The following CLYBL variants were observed in gnomAD, a reference collection of about 807,000 sequenced individuals.
CLYBL encodes citramalyl-CoA lyase, mitochondrial.
A neutral mutation model predicts 38.9 loss-of-function variants in CLYBL; 31 were observed. The ratio of observed to expected loss-of-function variants is 0.80; its 90% confidence interval spans 0.60 to 1.08. The LOEUF (loss-of-function observed/expected upper bound fraction) is 1.08. Among genes scored for constraint, CLYBL ranks in the 50% least tolerant of loss-of-function variants. The pLI is 0.00. For missense variants in CLYBL, 434 were observed against 411.6 expected (o/e 1.05, Z -0.47); for synonymous variants, 171 against 158.6 (o/e 1.08, Z -0.59).
intron 1 of CLYBL, among the ~76,000 whole-genome samples, chr13:99,730,280 T>C (rs968414676): frequency 3.9e-5 from 6 of 152,178 alleles, no homozygotes; most frequent in Non-Finnish European, 2.9e-5. Flanking sequence ...CTTTTAAACT[T>C]TGACTAACAC....
At chr13:99,635,518 G>T (rs567845363) in intron 1 of CLYBL, among the ~76,000 whole-genome samples, 4 of 152,110 alleles carry the variant, frequency 2.6e-5, no homozygotes, top group Non-Finnish European at 4.4e-5. Flanking sequence ...CTGGCTTTGC[G>T]CAGCTTATTG....
chr13:99,658,587 C>G (rs577162729), intron 1 of CLYBL, among the ~76,000 whole-genome samples: 4 of 152,278 alleles, frequency 2.6e-5, no homozygotes, highest in Non-Finnish European at 5.9e-5. Flanking sequence ...CCCTCCAGCC[C>G]GGCGACAGGC....
chr13:99,893,586 A>C (rs35025545), downstream of CLYBL: 19,594 of 152,278 alleles, frequency 0.13, 1,348 homozygotes, highest in African/African-American at 0.16. Flanking sequence ...AATCTAACTA[A>C]CCTTCCCATC....
At chr13:99,879,180 G>C (rs2052129730) in intron 7 of CLYBL, among the ~76,000 whole-genome samples, 1 of 152,058 alleles carries the variant, frequency 6.6e-6, no homozygotes, top group South Asian at 2.1e-4. Context: ...TGGAACTCTT[G>C]GTAAAGTCCT....
chr13:99,835,900 AAGAAAATCTGAC>A (rs2050923493), intron 2 of CLYBL, among the ~76,000 whole-genome samples: 1 of 152,204 alleles, frequency 6.6e-6, no homozygotes, highest in East Asian at 1.9e-4. Flanking sequence ...GTAGATTGGC[AAGAAAATCTGAC>A]AGTGAGCTGA....
intron 2 of CLYBL, among the ~76,000 whole-genome samples, chr13:99,794,219 G>A (rs966900898): frequency 6.6e-6 from 1 of 152,108 alleles, no homozygotes; most frequent in African/African-American, 2.4e-5. Flanking sequence ...TCAGGAGTTC[G>A]AGATCAGCCT....
intron 1 of CLYBL, among the ~76,000 whole-genome samples, chr13:99,762,525 C>T (rs867060119): frequency 1.1e-4 from 17 of 152,108 alleles, no homozygotes; most frequent in Non-Finnish European, 7.4e-5. Flanking sequence ...GGTCTATGTG[C>T]CTGTGTCTGT....
At chr13:99,880,311 C>T (rs1355290593) in intron 7 of CLYBL, among the ~76,000 whole-genome samples, 4 of 151,976 alleles carry the variant, frequency 2.6e-5, no homozygotes, top group Non-Finnish European at 5.9e-5. Flanking sequence ...GTGATCTGCC[C>T]GCTTCGGCCT....
At chr13:99,811,980 T>A (rs2050351338) in intron 2 of CLYBL, among the ~76,000 whole-genome samples, 1 of 152,168 alleles carries the variant, frequency 6.6e-6, no homozygotes, top group African/African-American at 2.4e-5. Context: ...GTAGCATGAA[T>A]CCACAATCCT....
chr13:99,841,281 A>G (rs927970488), intron 2 of CLYBL, among the ~76,000 whole-genome samples: 1 of 152,260 alleles, frequency 6.6e-6, no homozygotes, highest in Non-Finnish European at 1.5e-5. Context: ...GAGAGGTCTA[A>G]AACTAGATGC....
intron 1 of CLYBL, among the ~76,000 whole-genome samples, chr13:99,699,957 A>C (rs1418134831): frequency 6.6e-6 from 1 of 152,152 alleles, no homozygotes; most frequent in Non-Finnish European, 1.5e-5. Context: ...GCACCACTGC[A>C]CTCCAGCCTG....
chr13:99,645,497 CAA>C (rs35412408), intron 1 of CLYBL, among the ~76,000 whole-genome samples: 41 of 94,166 alleles, frequency 4.4e-4, no homozygotes, highest in African/African-American at 1.1e-3. Flanking sequence ...GACTCTGTCT[CAA>C]AAAAAAAAAA....
chr13:99,889,628 T>C (rs2052437102), intron 7 of CLYBL, among the ~76,000 whole-genome samples: 1 of 152,204 alleles, frequency 6.6e-6, no homozygotes, highest in African/African-American at 2.4e-5. Flanking sequence ...AGTCATCATT[T>C]CTAAGGCTGA....
At chr13:99,790,128 T>C (rs1257526703) in intron 2 of CLYBL, among the ~76,000 whole-genome samples, 1 of 152,146 alleles carries the variant, frequency 6.6e-6, no homozygotes, top group African/African-American at 2.4e-5. Context: ...TACAGCACAC[T>C]GATGGGTCTT....
intron 7 of CLYBL, among the ~76,000 whole-genome samples, chr13:99,887,630 A>G (rs951591080): frequency 6.6e-6 from 1 of 152,062 alleles, no homozygotes; most frequent in South Asian, 2.1e-4. Flanking sequence ...GTGCACACCT[A>G]TGGTCCCAGC....
intron 1 of CLYBL, among the ~76,000 whole-genome samples, chr13:99,685,291 GA>G (rs936503766): frequency 3.9e-5 from 6 of 152,220 alleles, no homozygotes; most frequent in East Asian, 1.9e-4. Flanking sequence ...TTGAAGGGGG[GA>G]AAAAGCCTAT....
intron 1 of CLYBL, chr13:99,726,726 CCTTATCCCTAAGGCAGTAGTGTCTG>C (rs968832728): frequency 6.6e-6 from 1 of 152,364 alleles, no homozygotes; most frequent in African/African-American, 2.4e-5. Context: ...CTCCCCCGCC[CCTTATCCCTAAGGCAGTAGTGTCTG>C]TAGGGCCTCA....
intron 7 of CLYBL, among the ~76,000 whole-genome samples, chr13:99,890,171 G>A (rs1302256319): frequency 1.3e-5 from 2 of 152,178 alleles, no homozygotes; most frequent in Non-Finnish European, 2.9e-5. Context: ...TTAATGTGGG[G>A]ATCTCTGATG....
At chr13:99,702,501 G>A (rs1285142262) in intron 1 of CLYBL, among the ~76,000 whole-genome samples, 2 of 151,840 alleles carry the variant, frequency 1.3e-5, no homozygotes, top group Non-Finnish European at 2.9e-5. Flanking sequence ...GCGTGGTGTC[G>A]CATGCCTGTA....
Sources: allele counts gnomAD v4.1 joint callset (sites outside exome capture counted in the v4.1 genomes callset), GRCh38; gene constraint gnomAD v4.1.1; transcripts MANE v1.5; gene names NCBI Gene and HGNC (gene_info 2026-07-23, HGNC 2026-07-21).